PES1: variants seen among roughly 807,000 people sequenced by gnomAD.
The protein encoded by PES1 is pescadillo homolog.
PES1 carries 31 observed loss-of-function variants against 77.1 expected under a neutral mutation model. The observed-to-expected ratio is 0.40, with a 90% CI of 0.30 to 0.54. The LOEUF is 0.54. Among genes scored for constraint, PES1 ranks in the 20% least tolerant of loss-of-function variants. The pLI is 0.45. For synonymous variants in PES1, 282 were observed against 303.0 expected, an observed-to-expected ratio of 0.93 and a Z score of 0.72; for missense variants, 658 against 771.7, an observed-to-expected ratio of 0.85 and a Z score of 1.75.
At chr22:30,586,014 C>G (rs1482312194) in intron 4 of PES1, among the ~76,000 whole-genome samples, 10 of 152,198 alleles carry the variant, frequency 6.6e-5, no homozygotes. Flanking sequence ...CAGACAAAAC[C>G]AAGAACCCAG....
rs1298342268 is a variant in PES1 at position 30,591,881 on chromosome 22, A to G, written c.-48T>C. The G allele has an allele frequency of 3.9e-6, 6 of 1,533,690 alleles. No individual in the cohort carries two copies. The African/African-American group carries it at 4.1e-5, about 11-fold the overall frequency. Reference sequence around the variant, plus strand: ...TAGGGCCGCGCGTACAGGGAGCTCCACTTCCTCCCGCACGTGCCCTGCCAA... The same window carrying G: ...TAGGGCCGCGCGTACAGGGAGCTCCGCTTCCTCCCGCACGTGCCCTGCCAA... On this transcript the variant is annotated 5_prime_UTR_variant, in exon 1 of 15. Transcript: ENST00000354694.
intron 1 of PES1, among the ~76,000 whole-genome samples, chr22:30,605,964 A>C (rs1038864951): frequency 1.3e-5 from 2 of 152,228 alleles, no homozygotes; most frequent in Non-Finnish European, 2.9e-5. Context: ...AATTGAGCTG[A>C]AAGGGAACTG....
chr22:30,602,034 G>A (rs1377892308), intron 2 of PES1: 5 of 152,190 alleles, frequency 3.3e-5, no homozygotes, highest in Non-Finnish European at 5.9e-5. Context: ...GCCTCCCAAA[G>A]TGCTGGGATT....
Position 30,588,095 on chromosome 22 carries a change from G to A in PES1, c.184C>T (p.Arg62Ter). 1.9e-6 allele frequency: 3 copies of A among 1,614,162 alleles called. No individual in the cohort carries two copies. Among genetic ancestry groups the A allele is most frequent in the Non-Finnish European group, 2.5e-6 (3 of 1,180,034 alleles). ...KKVNKGSTAA[R>*]TFYLIKDIRF... ...ATGTCTTTGATAAGGTAAAACGTTC[G>A]GGCTGCTGTAGAACCCTTGTTAACC... The change falls in exon 3 of 15, where the codon CGA (arginine) becomes TGA (stop). Residue 62 changes from arginine to a stop codon, truncating the protein, a stop_gained. Coordinates refer to ENST00000354694, the MANE Select transcript of PES1 (RefSeq NM_014303.4). LOFTEE classifies it high-confidence loss of function.
At chr22:30,589,024 C>CTTGGACCACA (rs541022921) in intron 2 of PES1, among the ~76,000 whole-genome samples, 167 bp downstream of exon 2, 2,529 of 152,316 alleles carry the variant, frequency 0.017, 35 homozygotes, top group South Asian at 0.043. Context: ...TCCATTTTCC[C>CTTGGACCACA]TTGGACCACA....
At chr22:30,580,464 G>A in intron 10 of PES1, 107 bp downstream of exon 10, 1 of 1,426,998 alleles carries the variant, frequency 7.0e-7, no homozygotes, top group Admixed American at 1.9e-5. Flanking sequence ...TGTTTCATAA[G>A]AAGTGGAAAC....
At chr22:30,585,841 G>A (rs781384326) in intron 4 of PES1, among the ~76,000 whole-genome samples, 2 of 152,068 alleles carry the variant, frequency 1.3e-5, no homozygotes, top group African/African-American at 2.4e-5. Flanking sequence ...TCACTGCTGC[G>A]AGTCAGAAGT....
chr22:30,585,664 AAGG>A (rs890235422), intron 4 of PES1, among the ~76,000 whole-genome samples: 1 of 142,236 alleles, frequency 7.0e-6, no homozygotes, highest in African/African-American at 2.6e-5. Context: ...CCCAGTCTTC[AAGG>A]AGAAGAAGCT....
intron 12 of PES1, 96 bp from the exon 13 acceptor site, chr22:30,579,399 G>C: frequency 6.4e-7 from 1 of 1,571,150 alleles, no homozygotes; most frequent in South Asian, 1.2e-5. Flanking sequence ...TGACCCTGCC[G>C]TCTTTAGCCA....
chr22:30,603,497 T>C (rs1220850303), intron 2 of PES1, among the ~76,000 whole-genome samples: 1 of 152,096 alleles, frequency 6.6e-6, no homozygotes, highest in Non-Finnish European at 1.5e-5. Context: ...TTCTCCCGCC[T>C]CAACCTCCCA....
intron 2 of PES1, among the ~76,000 whole-genome samples, chr22:30,596,950 C>G (rs577944061): frequency 6.6e-6 from 1 of 152,308 alleles, no homozygotes; most frequent in African/African-American, 2.4e-5. Context: ...GGCCCGCACT[C>G]GGAGAAGCCA....
chr22:30,598,884 A>ATTTTTTTTTTTTTT lies in PES1; in HGVS notation c.-660-6487_-660-6486insAAAAAAAAAAAAAA, dbSNP rs1569031688. 3.9e-4 allele frequency among the ~76,000 whole-genome samples: 18 copies of ATTTTTTTTTTTTTT among 46,324 alleles called. 1 individual carries two copies. Among genetic ancestry groups the ATTTTTTTTTTTTTT allele is most frequent in the African/African-American group, 1.3e-3 (17 of 13,420 alleles). The allele number at this position is 46,324 out of a possible 152,430, so 30.4% of individuals were successfully genotyped here. A position where few individuals can be genotyped will look rare whatever the true frequency, so the allele number is the denominator to read the frequency against. ...TTTCAAGTTTATGTGACTTAAGTAA[A>ATTTTTTTTTTTTTT]ATTTTTTTTTTTTTTTTTTTTTTTT... On this transcript the variant is annotated intron_variant, in intron 2 of 16. Transcript: ENST00000402281.
chr22:30,594,272 C>G (rs1433608239), upstream of PES1, among the ~76,000 whole-genome samples: 1 of 152,208 alleles, frequency 6.6e-6, no homozygotes, highest in East Asian at 1.9e-4. Context: ...GTAATCCCAG[C>G]ACTTTGGGAG....
rs2086948538 is a variant in PES1, at chr22:30,579,420, AG to A, written c.1355-118del. The A allele has an allele frequency of 2.6e-6, 4 of 1,517,736 alleles. No homozygotes were observed. In the East Asian group the frequency reaches 9.0e-5, roughly 34 times the overall value. 94.0% of individuals were successfully genotyped at this position (1,517,736 alleles called of 1,614,324 possible). A position where few individuals can be genotyped will look rare whatever the true frequency, so the allele number is the denominator to read the frequency against. ...TGCCGTCTTTAGCCATGGGCAGTTC[AG>A]GGATGTCCCAATTGTGGCCCTCTCT... On this transcript the variant is annotated intron_variant, in intron 12 of 14. Coordinates refer to ENST00000354694, the MANE Select transcript of PES1 (RefSeq NM_014303.4).
At chr22:30,591,969 T>C, upstream of PES1, 1 of 1,402,868 alleles carries the variant, frequency 7.1e-7, no homozygotes, top group Non-Finnish European at 9.2e-7. Flanking sequence ...ATGAGATGCC[T>C]GTACAAGTCC....
At chr22:30,589,839 C>T (rs946833758) in intron 1 of PES1, among the ~76,000 whole-genome samples, 1 of 152,126 alleles carries the variant, frequency 6.6e-6, no homozygotes, top group Non-Finnish European at 1.5e-5. Context: ...ACTTATTAGA[C>T]ACCCCCTTCC....
At chr22:30,580,958 AC>A (rs2086975292) in intron 9 of PES1, 53 bp downstream of exon 9, 5 of 1,473,640 alleles carry the variant, frequency 3.4e-6, no homozygotes, top group Admixed American at 1.8e-5. Flanking sequence ...AAGCTGGGAA[AC>A]CCCCCACACG....
At chr22:30,592,780 G>C (rs1018901244), upstream of PES1, among the ~76,000 whole-genome samples, 2 of 152,210 alleles carry the variant, frequency 1.3e-5, no homozygotes, top group African/African-American at 4.8e-5. Flanking sequence ...CTGGGCGACA[G>C]AGTGAGACTC....
At chr22:30,601,192 A>G (rs1039351378) in intron 2 of PES1, among the ~76,000 whole-genome samples, 3 of 152,232 alleles carry the variant, frequency 2.0e-5, no homozygotes, top group African/African-American at 7.2e-5. Context: ...TCATCTCTTC[A>G]TGGATGAATG....
Sources: allele counts gnomAD v4.1 joint callset (sites outside exome capture counted in the v4.1 genomes callset), GRCh38; gene constraint gnomAD v4.1.1; transcripts MANE v1.5; gene names NCBI Gene and HGNC (gene_info 2026-07-23, HGNC 2026-07-21).